ATP8B1: variants seen among roughly 807,000 people sequenced by gnomAD.
ATP8B1 encodes ATPase phospholipid transporting 8B1.
In ATP8B1, 80 loss-of-function variants were observed where a neutral mutation model predicts 149.9. The ratio of observed to expected loss-of-function variants is 0.53; its 90% CI spans 0.45 to 0.64. The LOEUF (loss-of-function observed/expected upper bound fraction) is 0.64. Among genes scored for constraint, ATP8B1 ranks in the 30% least tolerant of loss-of-function variants. The pLI is 0.00. For synonymous variants in ATP8B1, 536 were observed against 562.8 expected, an observed-to-expected ratio of 0.95 and a Z score of 0.67; for missense variants, 1,247 against 1,552.6, an observed-to-expected ratio of 0.80 and a Z score of 3.31.
chr18:57,692,282 A>G (rs1912571883), intron 11 of ATP8B1, among the ~76,000 whole-genome samples: 1 of 152,142 alleles, frequency 6.6e-6, no homozygotes, highest in Non-Finnish European at 1.5e-5. Context: ...TCCTTGAAGA[A>G]TCTTATATTA....
chr18:57,774,320 G>A (rs529331045), intron 1 of ATP8B1, among the ~76,000 whole-genome samples: 32 of 152,338 alleles, frequency 2.1e-4, no homozygotes, highest in African/African-American at 7.2e-4. Flanking sequence ...TTATTAGGCT[G>A]GGCACAGTGG....
At chr18:57,689,752 T>A (rs991287731) in intron 12 of ATP8B1, among the ~76,000 whole-genome samples, 1 of 152,198 alleles carries the variant, frequency 6.6e-6, no homozygotes, top group Non-Finnish European at 1.5e-5. Context: ...GTGTGGTGGC[T>A]CACGCCTGTA....
chr18:57,786,246 C>A (rs749397104), intron 1 of ATP8B1, among the ~76,000 whole-genome samples: 2 of 152,194 alleles, frequency 1.3e-5, no homozygotes, highest in Non-Finnish European at 2.9e-5. Context: ...GGATGCCACA[C>A]CCCTAGGCCC....
At chr18:57,663,663 C>G (rs951027802) in intron 20 of ATP8B1, among the ~76,000 whole-genome samples, 1 of 151,606 alleles carries the variant, frequency 6.6e-6, no homozygotes, top group Non-Finnish European at 1.5e-5. Flanking sequence ...TTTGATTTAT[C>G]TTCCCCTAAT....
rs1007051643 is a variant in ATP8B1, at chr18:57,802,335, C to T, written c.-26+663G>A. 6.6e-6 allele frequency among the ~76,000 whole-genome samples: 1 copy of T among 152,158 alleles called. No individual in the cohort carries two copies. Among genetic ancestry groups the T allele is most frequent in the Admixed American group, 6.5e-5 (1 of 15,276 alleles). ...CCTGCAGCCATCTCAGCGGGGCTGG[C>T]GGACGCGACCCGACAGTCACCGGAA... On this transcript the variant is annotated intron_variant, in intron 1 of 27. Transcript: ENST00000648908. This position sits in a 1 kb window ranked among gnomAD's most constrained non-coding sequence, Gnocchi z 4.9.
At chr18:57,740,344 T>A (rs1440389811) in intron 1 of ATP8B1, among the ~76,000 whole-genome samples, 1 of 152,038 alleles carries the variant, frequency 6.6e-6, no homozygotes, top group Non-Finnish European at 1.5e-5. Context: ...TTTATTATTA[T>A]TATTAAAGAC....
intron 6 of ATP8B1, among the ~76,000 whole-genome samples, chr18:57,700,559 G>A (rs957296850): frequency 1.6e-4 from 24 of 152,086 alleles, no homozygotes; most frequent in Non-Finnish European, 3.4e-4. Flanking sequence ...ACTCAAAATA[G>A]TCATCTTTTT....
rs1366138138 is a variant in ATP8B1 at position 57,648,364 on chromosome 18, G to T, written c.*124C>A. On this transcript the variant is annotated 3_prime_UTR_variant, in exon 28 of 28. Transcript: ENST00000648908. Reference sequence around the variant, plus strand: ...TCCAACCCAAGGAGTTTGTTATAAAGATTATTTATTGTCTTCAATATCTTT... The same window carrying T: ...TCCAACCCAAGGAGTTTGTTATAAATATTATTTATTGTCTTCAATATCTTT... 8.8e-7 allele frequency: 1 copy of T among 1,139,686 alleles called. No individual in the cohort carries two copies. Among genetic ancestry groups the T allele is most frequent in the Non-Finnish European group, 1.3e-6 (1 of 773,984 alleles). 70.6% of individuals were successfully genotyped at this position (1,139,686 alleles called of 1,614,324 possible).
chr18:57,735,486 AC>A, intron 1 of ATP8B1: 1 of 153,398 alleles, frequency 6.5e-6, no homozygotes. Context: ...GAGGCCAAGA[AC>A]CCCAGGTCAG....
intron 1 of ATP8B1, chr18:57,733,985 T>C (rs999377340): frequency 6.6e-6 from 1 of 152,178 alleles, no homozygotes; most frequent in Admixed American, 6.6e-5. Flanking sequence ...TGGGTTACAA[T>C]TGTCGACTGT....
chr18:57,761,005 A>AATAAC (rs2080145978), intron 1 of ATP8B1, among the ~76,000 whole-genome samples: 1 of 82,250 alleles, frequency 1.2e-5, no homozygotes, highest in Non-Finnish European at 3.2e-5. Flanking sequence ...AATAAAATAA[A>AATAAC]ATAAAATAAC....
At chr18:57,787,248 T>C (rs2080418532) in intron 1 of ATP8B1, among the ~76,000 whole-genome samples, 1 of 152,238 alleles carries the variant, frequency 6.6e-6, no homozygotes, top group Non-Finnish European at 1.5e-5. Flanking sequence ...TATATACCCT[T>C]AGTCCTCTGC....
intron 17 of ATP8B1, among the ~76,000 whole-genome samples, chr18:57,670,355 C>CTTTTTTTTTTTT (rs370444079): frequency 2.1e-5 from 3 of 139,696 alleles, no homozygotes; most frequent in African/African-American, 5.3e-5. Flanking sequence ...TTTTCTTTTT[C>CTTTTTTTTTTTT]TTTTTTTTTT....
chr18:57,761,078 AATAAAAT>A (rs1355605105), intron 1 of ATP8B1, among the ~76,000 whole-genome samples: 1 of 138,396 alleles, frequency 7.2e-6, no homozygotes, highest in African/African-American at 2.7e-5. Flanking sequence ...AAATAAAATA[AATAAAAT>A]AAAATAAAAT....
chr18:57,692,954 G>A (rs1912617275), intron 11 of ATP8B1, among the ~76,000 whole-genome samples: 1 of 152,120 alleles, frequency 6.6e-6, no homozygotes, highest in African/African-American at 2.4e-5. Flanking sequence ...AATTTCCAGA[G>A]ACAAATTTAA....
At chr18:57,650,905 G>A (rs917543381) in intron 26 of ATP8B1, among the ~76,000 whole-genome samples, 1 of 152,090 alleles carries the variant, frequency 6.6e-6, no homozygotes, top group African/African-American at 2.4e-5. Context: ...GATCATTTAT[G>A]GTAAAGTTTT....
intron 4 of ATP8B1, among the ~76,000 whole-genome samples, chr18:57,703,376 C>G (rs1913223070): frequency 6.6e-6 from 1 of 151,954 alleles, no homozygotes; most frequent in Non-Finnish European, 1.5e-5. Flanking sequence ...TTGAGACCAG[C>G]CTGGTCAACA....
intron 1 of ATP8B1, among the ~76,000 whole-genome samples, chr18:57,745,833 A>G (rs1336692106): frequency 2.6e-5 from 4 of 151,772 alleles, no homozygotes; most frequent in Non-Finnish European, 5.9e-5. Flanking sequence ...ATATTTTGAG[A>G]AAATTTTTGT....
intron 2 of ATP8B1, among the ~76,000 whole-genome samples, chr18:57,729,615 A>G (rs1475446192): frequency 1.4e-5 from 2 of 140,082 alleles, no homozygotes; most frequent in African/African-American, 2.7e-5. Flanking sequence ...CAATGGCACC[A>G]TCTCAGCTCA....
Sources: gnomAD v4.1 joint callset for allele counts (sites outside exome capture counted in the v4.1 genomes callset) on GRCh38, gnomAD v4.1.1 for gene constraint, Gnocchi (gnomAD v3.1) non-coding constraint, MANE v1.5 for transcripts, NCBI Gene and HGNC (gene_info 2026-07-23, HGNC 2026-07-21) for gene names.